LASP1: variants seen among roughly 807,000 people sequenced by gnomAD.
The protein encoded by LASP1 is LIM and SH3 domain protein 1.
Under a neutral mutation model 38.6 loss-of-function variants are expected in LASP1, and 10 were observed. The ratio of observed to expected loss-of-function variants is 0.26; its 90% CI spans 0.16 to 0.44. The LOEUF (loss-of-function observed/expected upper bound fraction) is 0.44, where lower values mean the gene tolerates loss of function less well. LASP1 is among the 20% of genes least tolerant of loss of function. The pLI is 1.00. For synonymous variants in LASP1, 132 were observed against 140.8 expected (o/e 0.94, Z 0.44); for missense variants, 243 against 375.7 (o/e 0.65, Z 2.92).
At position 38,907,982 on chromosome 17, in the gene LASP1, C is replaced by G. The variant is rs536604229; in HGVS notation, c.358-6343C>G. Among the ~76,000 whole-genome samples, 4 of 152,314 alleles carry G rather than the reference C, an allele frequency of 2.6e-5. No homozygotes were observed. The South Asian group carries it at 6.2e-4, about 24-fold the overall frequency. On this transcript the variant is annotated intron_variant, in intron 4 of 6. Coordinates refer to ENST00000318008, the MANE Select transcript of LASP1 (RefSeq NM_006148.4). Reference sequence around the variant, plus strand: ...AGGTCATGTAGGTAAGCATACGGCTCCCCTAAGGATGAGGCATTGGTCTGG... The same window carrying G: ...AGGTCATGTAGGTAAGCATACGGCTGCCCTAAGGATGAGGCATTGGTCTGG...
chr17:38,898,347 GGC>G, intron 3 of LASP1, 63 bp from the exon 4 acceptor site: 1 of 1,205,660 alleles, frequency 8.3e-7, no homozygotes, highest in Non-Finnish European at 1.2e-6. Flanking sequence ...GCCTCAGAGG[GGC>G]CCCAAGCCGA....
At chr17:38,899,830 T>C (rs936903761) in intron 4 of LASP1, among the ~76,000 whole-genome samples, 34 of 148,550 alleles carry the variant, frequency 2.3e-4, no homozygotes, top group Non-Finnish European at 4.8e-4. Context: ...GTTCAAGTGA[T>C]TCTCCTGCCT....
rs185071133 is a variant in LASP1, at chr17:38,883,429, C to T, written c.164+5249C>T. On this transcript the variant is annotated intron_variant, in intron 2 of 6. Transcript: ENST00000318008. ...AATAGGTGGAGCAGGAGTAGGCAAACCCCGCACTGGGGCCCAGGGCTTTCC... is the reference window on the plus strand; with the variant it reads ...AATAGGTGGAGCAGGAGTAGGCAAATCCCGCACTGGGGCCCAGGGCTTTCC... Among the ~76,000 whole-genome samples, 30 of 152,234 alleles carry T rather than the reference C, an allele frequency of 2.0e-4. No individual in the cohort carries two copies. The East Asian group carries it at 2.7e-3, about 14-fold the overall frequency.
chr17:38,886,792 G>A (rs146023521), intron 2 of LASP1, among the ~76,000 whole-genome samples: 6 of 152,294 alleles, frequency 3.9e-5, no homozygotes, highest in East Asian at 1.9e-4. Context: ...TATATTCATC[G>A]TGTGTGAGGC....
chr17:38,885,825 A>G (rs1598107853), intron 2 of LASP1, among the ~76,000 whole-genome samples: 1 of 152,294 alleles, frequency 6.6e-6, no homozygotes, highest in South Asian at 2.1e-4. Flanking sequence ...AAAAGGTAGA[A>G]TTCCCAAAAA....
At chr17:38,881,519 T>C (rs972642235) in intron 2 of LASP1, among the ~76,000 whole-genome samples, 4 of 141,690 alleles carry the variant, frequency 2.8e-5, no homozygotes, top group Non-Finnish European at 5.9e-5. Context: ...AGCCTCCTCG[T>C]GTTTTCTTCC....
At chr17:38,884,095 A>AAC (rs1914035433) in intron 2 of LASP1, among the ~76,000 whole-genome samples, 1 of 151,268 alleles carries the variant, frequency 6.6e-6, no homozygotes, top group African/African-American at 2.4e-5. Context: ...TTCCTCCTTG[A>AAC]ACACAAAGCT....
intron 2 of LASP1, among the ~76,000 whole-genome samples, chr17:38,885,654 A>G (rs962745140): frequency 6.6e-6 from 1 of 152,014 alleles, no homozygotes. Context: ...CCTGTCCCTC[A>G]TTCCTCGCCA....
At chr17:38,876,070 G>A (rs1872437400) in intron 1 of LASP1, among the ~76,000 whole-genome samples, 1 of 152,060 alleles carries the variant, frequency 6.6e-6, no homozygotes. Flanking sequence ...GCTTCTGGGG[G>A]TGAATTTAGA....
At chr17:38,884,551 C>T (rs1027545392) in intron 2 of LASP1, among the ~76,000 whole-genome samples, 20 of 151,788 alleles carry the variant, frequency 1.3e-4, no homozygotes, top group Admixed American at 3.9e-4. Flanking sequence ...CCATGCCTGG[C>T]TAATTTTTTT....
chr17:38,912,189 AG>A (rs1363188930), intron 4 of LASP1, among the ~76,000 whole-genome samples: 5 of 152,248 alleles, frequency 3.3e-5, no homozygotes, highest in African/African-American at 1.2e-4. Context: ...GCCTGGGAAT[AG>A]GGACCTTGAC....
At chr17:38,891,830 C>T (rs1458654529) in intron 3 of LASP1, among the ~76,000 whole-genome samples, 3 of 152,184 alleles carry the variant, frequency 2.0e-5, no homozygotes, top group Admixed American at 6.5e-5. Flanking sequence ...AGCCATGGCT[C>T]ACGCCTGTAA....
intron 4 of LASP1, among the ~76,000 whole-genome samples, chr17:38,901,690 C>G (rs1042421500): frequency 2.6e-5 from 4 of 152,210 alleles, no homozygotes; most frequent in Non-Finnish European, 5.9e-5. Context: ...ACCTAAAAGT[C>G]TGAAAAAGCT....
At chr17:38,908,764 C>T (rs1463430124) in intron 4 of LASP1, among the ~76,000 whole-genome samples, 1 of 152,270 alleles carries the variant, frequency 6.6e-6, no homozygotes, top group African/African-American at 2.4e-5. Context: ...ATTGGCTGTT[C>T]AGCCAGCAGG....
At chr17:38,878,213 G>C in intron 2 of LASP1, 33 bp downstream of exon 2, 1 of 1,482,890 alleles carries the variant, frequency 6.7e-7, no homozygotes, top group Non-Finnish European at 9.4e-7. Context: ...GGCTGGGTGG[G>C]CACCTTGGCT....
chr17:38,874,709 G>T (rs1184339549), intron 1 of LASP1, among the ~76,000 whole-genome samples: 2 of 152,146 alleles, frequency 1.3e-5, no homozygotes, highest in Non-Finnish European at 2.9e-5. Context: ...CCCCTGCAGG[G>T]GGACAGGCGA....
chr17:38,882,683 C>T (rs747300536), intron 2 of LASP1, among the ~76,000 whole-genome samples: 45 of 152,222 alleles, frequency 3.0e-4, no homozygotes, highest in Non-Finnish European at 1.9e-4. Context: ...TCAGTCCACA[C>T]GCCCAGGCTT....
intron 3 of LASP1, among the ~76,000 whole-genome samples, chr17:38,896,078 C>T (rs1037442677): frequency 5.4e-5 from 4 of 73,904 alleles, no homozygotes; most frequent in African/African-American, 1.4e-4. Context: ...GGTGAGCCAT[C>T]CTAGACAACA....
rs552984735 is a variant in LASP1 at position 38,884,519 on chromosome 17, C to T, written c.165-5901C>T. ...TCTCCCGCCTCAGCCTCCCAAGTAG[C>T]GGGGATTACAGGAGGCCGCTACCAT... On this transcript the variant is annotated intron_variant, in intron 2 of 6. Transcript: ENST00000318008. Among the ~76,000 whole-genome samples, 43 of 151,830 alleles carry T rather than the reference C, an allele frequency of 2.8e-4. No individual in the cohort carries two copies. In the East Asian group the frequency reaches 4.3e-3, roughly 15 times the overall value.
Sources: gnomAD v4.1 joint callset for allele counts (sites outside exome capture counted in the v4.1 genomes callset) on GRCh38, gnomAD v4.1.1 for gene constraint, MANE v1.5 for transcripts, NCBI Gene and HGNC (gene_info 2026-07-23, HGNC 2026-07-21) for gene names.